SHCBP1L: variants seen among roughly 807,000 people sequenced by gnomAD.
SHCBP1L encodes SHC binding and spindle associated 1 like.
SHCBP1L carries 67 observed loss-of-function variants against 62.5 expected under a neutral mutation model. The observed-to-expected ratio is 1.07, with a 90% CI of 0.88 to 1.31. SHCBP1L has a LOEUF of 1.31. Ranked by LOEUF, SHCBP1L falls within the 40% of genes most tolerant of loss-of-function variation. The probability of loss-of-function intolerance (pLI) is 0.00; values close to 1 mark genes in which losing one functional copy is unlikely to be tolerated. For missense variants in SHCBP1L, 823 were observed against 809.8 expected (o/e 1.02, Z -0.20); for synonymous variants, 284 against 289.4 (o/e 0.98, Z 0.19).
At chr1:182,944,903 A>G (rs1205929918) in intron 2 of SHCBP1L, among the ~76,000 whole-genome samples, 1 of 151,102 alleles carries the variant, frequency 6.6e-6, no homozygotes, top group Admixed American at 6.6e-5. Flanking sequence ...ACGTTTTCCC[A>G]GCAGTCAATA....
In SHCBP1L at chr1:182,953,031, C is replaced by T; in HGVS notation, c.103G>A (p.Ala35Thr). 1 of 1,543,548 alleles carries T rather than the reference C, an allele frequency of 6.5e-7. No individual in the cohort carries two copies. The change falls in exon 1 of 10, where the codon GCG becomes ACG. Residue 35 changes from alanine (A) to threonine (T), a missense_variant. Ala to Thr is a moderately conservative substitution (Grantham distance 58, BLOSUM62 0). Transcript: ENST00000367547. ...KSASAVSGDTAAATTLKGTAI... is the reference protein window; with the variant it reads ...KSASAVSGDTTAATTLKGTAI... Reference sequence around the variant, plus strand: ...GTGCCCTTCAGGGTGGTCGCGGCCGCCGTGTCCCCGGAGACAGCGGAGGCG... The same window carrying T: ...GTGCCCTTCAGGGTGGTCGCGGCCGTCGTGTCCCCGGAGACAGCGGAGGCG...
intron 6 of SHCBP1L, among the ~76,000 whole-genome samples, chr1:182,915,963 C>T (rs1216365370): frequency 6.6e-6 from 1 of 152,108 alleles, no homozygotes; most frequent in Non-Finnish European, 1.5e-5. Context: ...CCCGCCATCA[C>T]GCCCGGCTAA....
At chr1:182,917,539 C>T (rs1201483037) in intron 6 of SHCBP1L, among the ~76,000 whole-genome samples, 3 of 152,088 alleles carry the variant, frequency 2.0e-5, no homozygotes, top group African/African-American at 4.8e-5. Flanking sequence ...TCACTGCACC[C>T]GGCCAGAAAT....
intron 1 of SHCBP1L, among the ~76,000 whole-genome samples, chr1:182,952,219 TATATATATATATATATACACAC>T (rs1651791649): frequency 4.8e-5 from 3 of 62,994 alleles, no homozygotes; most frequent in Non-Finnish European, 5.0e-5. Flanking sequence ...TATATATATA[TATATATATATATATATACACAC>T]ACACACACAC....
chr1:182,950,835 C>T (rs1651720720), intron 2 of SHCBP1L, among the ~76,000 whole-genome samples: 1 of 151,764 alleles, frequency 6.6e-6, no homozygotes, highest in Non-Finnish European at 1.5e-5. Flanking sequence ...CAAGCTCCGC[C>T]TCCTGGGTTC....
At chr1:182,910,263 A>G (rs534172916) in intron 6 of SHCBP1L, among the ~76,000 whole-genome samples, 1 of 152,206 alleles carries the variant, frequency 6.6e-6, no homozygotes, top group Non-Finnish European at 1.5e-5. Context: ...AAAATTCAGT[A>G]AACAAGTGTG....
chr1:182,910,186 A>G (rs1231859096), intron 6 of SHCBP1L, among the ~76,000 whole-genome samples: 3 of 152,202 alleles, frequency 2.0e-5, no homozygotes, highest in African/African-American at 7.2e-5. Context: ...TATGGAATCA[A>G]CTTTTGGGAG....
At position 182,900,005 on chromosome 1, in the gene SHCBP1L, T is replaced by G. The variant is rs778035927; in HGVS notation, c.1940A>C (p.Asp647Ala). ...GCTTTAACTTGTGACTATTCTGATA[T>G]CCCCCTTGACGTTTGCTTCTATCTT... ...NNKIEANVKGDIRIVTS is the reference protein window; with the variant it reads ...NNKIEANVKGAIRIVTS Residue 647 changes from aspartate (D) to alanine (A), a missense_variant, in exon 10 of 10, where the codon GAT becomes GCT. Transcript: ENST00000367547. 3 of 1,607,568 alleles carry G rather than the reference T, an allele frequency of 1.9e-6. No homozygotes were observed. In the South Asian group the frequency reaches 3.4e-5, roughly 18 times the overall value.
intron 7 of SHCBP1L, among the ~76,000 whole-genome samples, chr1:182,904,836 A>G (rs1649963518): frequency 6.6e-6 from 1 of 151,958 alleles, no homozygotes. Context: ...GCTCACTGCA[A>G]CCTGGGCTCA....
intron 2 of SHCBP1L, among the ~76,000 whole-genome samples, chr1:182,941,191 T>TA (rs549751668): frequency 0.057 from 3,600 of 63,030 alleles, 98 homozygotes; most frequent in Middle Eastern, 0.14. Flanking sequence ...AAAAGCATGT[T>TA]AAAAAAAAAA....
At chr1:182,924,701 G>GAAAGAAAGAAAGA (rs1553245889) in intron 6 of SHCBP1L, among the ~76,000 whole-genome samples, 1 of 33,354 alleles carries the variant, frequency 3.0e-5, no homozygotes, top group Non-Finnish European at 5.7e-5. Flanking sequence ...GAAAGGAAAG[G>GAAAGAAAGAAAGA]AAGAAAGAAA....
At position 182,952,973 on chromosome 1, in the gene SHCBP1L, G is replaced by A; in HGVS notation, c.161C>T (p.Pro54Leu). Residue 54 changes from proline to leucine, a missense_variant, in exon 1 of 10, where the codon CCT becomes CTT. Physicochemically the swap from Pro to Leu is moderately conservative, Grantham distance 98. Transcript: ENST00000367547. ...AIPVRSVVAS[P>L]RPVKGKAGRE... ...GCCCGCTTTCCCCTTCACCGGGCGA[G>A]GGGAGGCCACCACCGACCGCACTGG... 1 of 1,544,162 alleles carries A rather than the reference G, an allele frequency of 6.5e-7. No homozygotes were observed. The highest frequency in any genetic ancestry group is 8.7e-7 in the Non-Finnish European group (1 of 1,147,834).
intron 1 of SHCBP1L, chr1:182,952,473 G>A (rs12059269): frequency 9.2e-6 from 4 of 436,032 alleles, no homozygotes; most frequent in African/African-American, 2.1e-5. Flanking sequence ...GGAGCTCTCA[G>A]AAAATTCTCT....
chr1:182,917,502 C>G (rs2101929754), intron 6 of SHCBP1L, among the ~76,000 whole-genome samples: 1 of 152,242 alleles, frequency 6.6e-6, no homozygotes, highest in Non-Finnish European at 1.5e-5. Flanking sequence ...TCTCGGCCTC[C>G]CAGAGTGCTA....
At chr1:182,930,703 G>GTATA (rs1217293960) in intron 5 of SHCBP1L, among the ~76,000 whole-genome samples, 15 of 14,280 alleles carry the variant, frequency 1.1e-3, no homozygotes, top group East Asian at 5.9e-3. Context: ...GTGTGTGTGT[G>GTATA]TATATATATA....
chr1:182,940,773 A>G (rs1247880650), intron 2 of SHCBP1L, among the ~76,000 whole-genome samples: 1 of 152,122 alleles, frequency 6.6e-6, no homozygotes, highest in Non-Finnish European at 1.5e-5. Flanking sequence ...GGAATTCTGT[A>G]TCTCCTACAT....
At chr1:182,912,999 G>T (rs932001692) in intron 6 of SHCBP1L, among the ~76,000 whole-genome samples, 1 of 151,742 alleles carries the variant, frequency 6.6e-6, no homozygotes, top group African/African-American at 2.4e-5. Flanking sequence ...GCTGGGTGTG[G>T]TGGTGTGCGC....
At chr1:182,936,369 A>G (rs1236800478) in intron 5 of SHCBP1L, among the ~76,000 whole-genome samples, 1 of 151,894 alleles carries the variant, frequency 6.6e-6, no homozygotes, top group Non-Finnish European at 1.5e-5. Context: ...TCCTGACCTC[A>G]GGTGATCCAC....
intron 9 of SHCBP1L, among the ~76,000 whole-genome samples, chr1:182,901,899 G>C (rs1649849461): frequency 6.6e-6 from 1 of 152,150 alleles, no homozygotes. Flanking sequence ...AGAAAGCAGA[G>C]TGGGCCTCTG....
Sources: allele counts gnomAD v4.1 joint callset (sites outside exome capture counted in the v4.1 genomes callset), GRCh38; gene constraint gnomAD v4.1.1; transcripts MANE v1.5; gene names NCBI Gene and HGNC (gene_info 2026-07-23, HGNC 2026-07-21).